The following SEMA5A variants were observed in gnomAD, a reference collection of about 807,000 sequenced individuals.
SEMA5A encodes the protein semaphorin 5A.
SEMA5A carries 55 observed loss-of-function variants against 135.5 expected under a neutral mutation model. The ratio of observed to expected loss-of-function variants is 0.41; its 90% CI spans 0.33 to 0.51. The LOEUF (loss-of-function observed/expected upper bound fraction) is 0.51. Among genes scored for constraint, SEMA5A ranks in the 20% least tolerant of loss-of-function variants. The pLI, the probability that SEMA5A is intolerant of heterozygous loss-of-function variation, is 0.37. For synonymous variants in SEMA5A, 580 were observed against 546.5 expected (o/e 1.06, Z -0.85); for missense variants, 1,290 against 1,419.9 (o/e 0.91, Z 1.47).
chr5:9,155,432 C>T lies in SEMA5A; in HGVS notation c.1274-737G>A, dbSNP rs1806148. Among the ~76,000 whole-genome samples, 52 of 152,226 alleles carry T rather than the reference C, an allele frequency of 3.4e-4. 1 individual carries two copies. In the South Asian group the frequency reaches 0.011, roughly 32 times the overall value. ...GGTGAGCGGCCCCTGAGCCATGCAG[C>T]CTTCCCAGCTTAGGGGGACACACAG... On this transcript the variant is annotated intron_variant, in intron 11 of 22. Transcript: ENST00000382496.
At chr5:9,217,572 T>A (rs1746699810) in intron 8 of SEMA5A, among the ~76,000 whole-genome samples, 1 of 152,238 alleles carries the variant, frequency 6.6e-6, no homozygotes, top group African/African-American at 2.4e-5. Context: ...ATGGATGATA[T>A]TTGAAATATG....
intron 13 of SEMA5A, among the ~76,000 whole-genome samples, chr5:9,126,938 C>T (rs1483679518): frequency 1.3e-5 from 2 of 152,196 alleles, no homozygotes; most frequent in African/African-American, 4.8e-5. Flanking sequence ...TAAAGAAAAG[C>T]AGGTTAAATG....
intron 1 of SEMA5A, among the ~76,000 whole-genome samples, chr5:9,478,917 C>T (rs1759771106): frequency 3.3e-5 from 5 of 152,078 alleles, no homozygotes; most frequent in Admixed American, 2.6e-4. Flanking sequence ...GTGTCCCCAC[C>T]CAAATCTCAT....
chr5:9,479,321 G>C (rs1212132024), intron 1 of SEMA5A, among the ~76,000 whole-genome samples: 1 of 152,006 alleles, frequency 6.6e-6, no homozygotes, highest in Non-Finnish European at 1.5e-5. Flanking sequence ...AGGAGTTTGA[G>C]GTCAGTGAGC....
At chr5:9,466,272 T>C (rs1025333546) in intron 1 of SEMA5A, among the ~76,000 whole-genome samples, 2 of 151,356 alleles carry the variant, frequency 1.3e-5, no homozygotes, top group Non-Finnish European at 2.9e-5. Context: ...TAATGCTAAA[T>C]GACGAGTTAC....
rs746679237 is a variant in SEMA5A, at chr5:9,050,455, C to A, written c.2848G>T (p.Val950Leu). 1.2e-6 allele frequency: 2 copies of A among 1,612,184 alleles called. No homozygotes were observed. Among genetic ancestry groups the A allele is most frequent in the Admixed American group, 1.7e-5 (1 of 59,750 alleles). Reference protein sequence around the residue: ...CVFDSNFIPEVSVARSSSVEE... With the variant: ...CVFDSNFIPELSVARSSSVEE... Reference sequence around the variant, plus strand: ...ACGCTACTGGATCTTGCCACAGATACTTCTGGAAAAAGAAAAGTCGAATCA... The same window carrying A: ...ACGCTACTGGATCTTGCCACAGATAATTCTGGAAAAAGAAAAGTCGAATCA... Residue 950 changes from valine to leucine, a missense_variant and splice_region_variant, in exon 21 of 23, where the codon GTA (valine) becomes TTA (leucine). Coordinates refer to ENST00000382496, the MANE Select transcript of SEMA5A (RefSeq NM_003966.3).
intron 5 of SEMA5A, among the ~76,000 whole-genome samples, chr5:9,254,508 A>G (rs1034514976): frequency 6.6e-6 from 1 of 152,210 alleles, no homozygotes; most frequent in Admixed American, 6.5e-5. Context: ...TGAAACTGCA[A>G]GAAATGTGTA....
At position 9,434,376 on chromosome 5, in the gene SEMA5A, C is replaced by T. The variant is rs560867315; in HGVS notation, c.-78+3380G>A. Among the ~76,000 whole-genome samples the T allele has an allele frequency of 2.1e-4, 32 of 152,098 alleles. No individual in the cohort carries two copies. In the South Asian group the frequency reaches 6.2e-3, roughly 30 times the overall value. On this transcript the variant is annotated intron_variant, in intron 2 of 22. Coordinates refer to ENST00000382496, the MANE Select transcript of SEMA5A (RefSeq NM_003966.3). The stretch of plus-strand genomic sequence containing the variant: ...ATAGAGGCATTATAGTTGAATTTTC[C>T]TCTTCTTTTATATATTTTCAGTAAT...
chr5:9,095,449 T>A (rs188949007), intron 16 of SEMA5A, among the ~76,000 whole-genome samples: 2 of 152,340 alleles, frequency 1.3e-5, no homozygotes, highest in Non-Finnish European at 2.9e-5. Context: ...TTTCTCACAT[T>A]CACGTAGAAG....
chr5:9,499,312 T>C (rs1441988757), intron 1 of SEMA5A, among the ~76,000 whole-genome samples: 1 of 152,134 alleles, frequency 6.6e-6, no homozygotes, highest in Non-Finnish European at 1.5e-5. Context: ...CTCACCTGAC[T>C]CAATTTCCCC....
At chr5:9,199,791 C>T (rs1425234127) in intron 9 of SEMA5A, among the ~76,000 whole-genome samples, 1 of 152,094 alleles carries the variant, frequency 6.6e-6, no homozygotes, top group African/African-American at 2.4e-5. Flanking sequence ...TTTTAGATAC[C>T]TAGAAATAAA....
At chr5:9,478,053 A>G (rs1047711833) in intron 1 of SEMA5A, among the ~76,000 whole-genome samples, 2 of 152,182 alleles carry the variant, frequency 1.3e-5, no homozygotes, top group Non-Finnish European at 2.9e-5. Context: ...TACAGACATG[A>G]CTATAGGGGC....
At chr5:9,218,394 G>C (rs1451683021) in intron 8 of SEMA5A, among the ~76,000 whole-genome samples, 1 of 152,140 alleles carries the variant, frequency 6.6e-6, no homozygotes, top group African/African-American at 2.4e-5. Flanking sequence ...GGGCAGAACA[G>C]TGCCCAGTAT....
At chr5:9,290,812 A>T (rs1751040489) in intron 5 of SEMA5A, among the ~76,000 whole-genome samples, 1 of 152,230 alleles carries the variant, frequency 6.6e-6, no homozygotes, top group Non-Finnish European at 1.5e-5. Flanking sequence ...CCTATAAAAC[A>T]GAAAATAATG....
intron 16 of SEMA5A, among the ~76,000 whole-genome samples, chr5:9,079,184 A>G (rs1236328197): frequency 1.3e-5 from 2 of 152,182 alleles, no homozygotes. Flanking sequence ...TAGCAAATGC[A>G]AAAGAACGGA....
chr5:9,515,546 C>T (rs1335636273), intron 1 of SEMA5A, among the ~76,000 whole-genome samples: 1 of 152,028 alleles, frequency 6.6e-6, no homozygotes, highest in African/African-American at 2.4e-5. Context: ...GCAATGTTCC[C>T]AATTAATTTT....
At chr5:9,055,894 G>C (rs78744408) in intron 18 of SEMA5A, among the ~76,000 whole-genome samples, 1 of 144,784 alleles carries the variant, frequency 6.9e-6, no homozygotes, top group East Asian at 2.0e-4. Flanking sequence ...AAAAAAAAAA[G>C]CTCTCTCCCA....
chr5:9,269,929 T>C (rs932090706), intron 5 of SEMA5A, among the ~76,000 whole-genome samples: 1 of 152,090 alleles, frequency 6.6e-6, no homozygotes, highest in Admixed American at 6.5e-5. Context: ...CCTGAGACTG[T>C]CATCCTAGAA....
chr5:9,140,688 A>G (rs1742019319), intron 12 of SEMA5A, among the ~76,000 whole-genome samples: 1 of 152,232 alleles, frequency 6.6e-6, no homozygotes, highest in Admixed American at 6.5e-5. Flanking sequence ...TTGACAAAAT[A>G]ACATAGTGTA....
Sources: allele counts gnomAD v4.1 joint callset (sites outside exome capture counted in the v4.1 genomes callset), GRCh38; gene constraint gnomAD v4.1.1; transcripts MANE v1.5; gene names NCBI Gene and HGNC (gene_info 2026-07-23, HGNC 2026-07-21).